Variants in CDYL observed in about 807,000 individuals in gnomAD.
The protein encoded by CDYL is chromodomain Y-like protein.
A neutral mutation model predicts 47.3 loss-of-function variants in CDYL; 8 were observed. The observed-to-expected ratio is 0.17, with a 90% confidence interval of 0.10 to 0.31. The LOEUF is 0.31. Ranked by LOEUF, CDYL falls within the 10% of genes least tolerant of loss-of-function variation. The probability of loss-of-function intolerance (pLI) is 1.00; values close to 1 mark genes in which losing one functional copy is unlikely to be tolerated. For synonymous variants in CDYL, 266 were observed against 265.0 expected (o/e 1.00, Z -0.04); for missense variants, 471 against 701.4 (o/e 0.67, Z 3.71).
At chr6:4,787,147 C>T (rs1345001025) in intron 1 of CDYL, among the ~76,000 whole-genome samples, 1 of 152,212 alleles carries the variant, frequency 6.6e-6, no homozygotes, top group Non-Finnish European at 1.5e-5. Flanking sequence ...ATTCTTAGTC[C>T]TCTAACTTCT....
At chr6:4,942,777 C>T (rs937530164) in intron 4 of CDYL, among the ~76,000 whole-genome samples, 16 of 152,198 alleles carry the variant, frequency 1.1e-4, no homozygotes, top group African/African-American at 3.9e-4. Context: ...ATTTATTAAA[C>T]CTCTGTCCTG....
chr6:4,790,236 C>G (rs1253111519), intron 1 of CDYL, among the ~76,000 whole-genome samples: 2 of 152,110 alleles, frequency 1.3e-5, no homozygotes, highest in African/African-American at 4.8e-5. Context: ...CTAATGAAAC[C>G]TTTTAAATAC....
chr6:4,878,269 GTC>G (rs1219936452), intron 1 of CDYL, among the ~76,000 whole-genome samples: 2 of 151,838 alleles, frequency 1.3e-5, no homozygotes, highest in African/African-American at 4.8e-5. Context: ...GTAGGAAATA[GTC>G]TCTCATTTTC....
chr6:4,746,999 G>T (rs1582306425), intron 3 of CDYL, among the ~76,000 whole-genome samples: 1 of 152,130 alleles, frequency 6.6e-6, no homozygotes, highest in East Asian at 1.9e-4. Context: ...TCTGGTGAAT[G>T]ATTTAATGTT....
Position 4,955,519 on chromosome 6 carries a change from A to G in CDYL, c.*1463A>G, listed in dbSNP as rs1235846405. ...AAATATTCAGCTGTGAAAACTGGTT[A>G]AATAAAACTAATATTTCTTAACACA... is the stretch of plus-strand genomic sequence containing the variant. On this transcript the variant is annotated 3_prime_UTR_variant, in exon 7 of 7. Transcript: ENST00000397588. 6.5e-6 allele frequency: 1 copy of G among 152,682 alleles called. No individual in the cohort carries two copies. The highest frequency in any genetic ancestry group is 1.5e-5 in the Non-Finnish European group (1 of 68,050). 9.5% of individuals were successfully genotyped at this position (152,682 alleles called of 1,614,324 possible).
At chr6:4,905,726 C>A (rs1757215838) in intron 2 of CDYL, among the ~76,000 whole-genome samples, 1 of 152,132 alleles carries the variant, frequency 6.6e-6, no homozygotes, top group African/African-American at 2.4e-5. Context: ...CAAGTCTTTG[C>A]CTCCATTTTT....
chr6:4,772,182 T>C (rs979432176), upstream of CDYL, among the ~76,000 whole-genome samples: 6 of 152,086 alleles, frequency 3.9e-5, no homozygotes, highest in African/African-American at 7.2e-5. Context: ...TAAGATGAAA[T>C]TGGTGAAATC....
intron 1 of CDYL, 54 bp downstream of exon 1, chr6:4,776,861 CCCGGCCGCGCCGCCCGACGGCCCCGCTCG>C (rs1334321934): frequency 7.8e-6 from 6 of 774,004 alleles, no homozygotes; most frequent in Non-Finnish European, 9.3e-6. Flanking sequence ...CCCCTCCCGG[CCCGGCCGCGCCGCCCGACGGCCCCGCTCG>C]CCGCCCGCGC....
intron 1 of CDYL, among the ~76,000 whole-genome samples, chr6:4,824,625 A>T (rs554376399): frequency 6.6e-6 from 1 of 152,138 alleles, no homozygotes; most frequent in Admixed American, 6.5e-5. Context: ...TTAAGCCCTT[A>T]CCTTACCAGA....
intron 3 of CDYL, chr6:4,734,913 G>T (rs1757675160): frequency 1.3e-6 from 2 of 1,592,154 alleles, no homozygotes; most frequent in African/African-American, 2.7e-5. Flanking sequence ...TAGGGGAATC[G>T]CCCCACACCA....
intron 2 of CDYL, among the ~76,000 whole-genome samples, chr6:4,927,445 G>GTA (rs1346842936): frequency 3.3e-5 from 5 of 151,286 alleles, no homozygotes; most frequent in African/African-American, 4.9e-5. Flanking sequence ...GTGTGTGTGT[G>GTA]TGTGTGTGTG....
intron 1 of CDYL, chr6:4,713,977 T>C (rs1302976135): frequency 6.6e-6 from 1 of 152,228 alleles, no homozygotes; most frequent in Non-Finnish European, 1.5e-5. Flanking sequence ...TCCTTGTGGA[T>C]AATAATCACA....
intron 1 of CDYL, among the ~76,000 whole-genome samples, chr6:4,861,974 A>G (rs1409882183): frequency 6.6e-6 from 1 of 152,186 alleles, no homozygotes; most frequent in Non-Finnish European, 1.5e-5. Context: ...AGTCATTTTT[A>G]TAAATTCATA....
intron 1 of CDYL, among the ~76,000 whole-genome samples, chr6:4,835,266 T>G (rs1268995509): frequency 1.3e-5 from 2 of 152,230 alleles, no homozygotes; most frequent in African/African-American, 4.8e-5. Flanking sequence ...ATGTCCTTTC[T>G]GTTTGTTAGT....
chr6:4,850,732 G>A (rs1760799516), intron 1 of CDYL, among the ~76,000 whole-genome samples: 1 of 152,208 alleles, frequency 6.6e-6, no homozygotes, highest in Admixed American at 6.5e-5. Context: ...ATTTGTCTAA[G>A]TTGATGAAAT....
intron 1 of CDYL, among the ~76,000 whole-genome samples, chr6:4,812,288 T>G (rs1292095863): frequency 3.3e-5 from 5 of 152,200 alleles, no homozygotes; most frequent in African/African-American, 1.2e-4. Context: ...CTTCCTAACT[T>G]TACTTCTGCA....
chr6:4,780,323 C>G (rs1758577460), intron 1 of CDYL, among the ~76,000 whole-genome samples: 4 of 150,004 alleles, frequency 2.7e-5, no homozygotes. Context: ...ACCTCTGCCT[C>G]CCGGGTTCAA....
intron 3 of CDYL, among the ~76,000 whole-genome samples, chr6:4,748,907 C>T (rs1239187311): frequency 1.3e-5 from 2 of 152,134 alleles, no homozygotes; most frequent in East Asian, 3.9e-4. Context: ...GAGAAGTAAA[C>T]ATCTTACCTC....
chr6:4,813,876 C>T (rs769905493), intron 1 of CDYL, among the ~76,000 whole-genome samples: 27 of 151,564 alleles, frequency 1.8e-4, no homozygotes, highest in Admixed American at 1.1e-3. Context: ...CAGGCTCCAA[C>T]GATCCTTCCA....
Sources: allele counts gnomAD v4.1 joint callset (sites outside exome capture counted in the v4.1 genomes callset), GRCh38; gene constraint gnomAD v4.1.1; transcripts MANE v1.5; gene names NCBI Gene and HGNC (gene_info 2026-07-23, HGNC 2026-07-21).